MEMO1: variants seen among roughly 807,000 people sequenced by gnomAD.
MEMO1 encodes protein MEMO1.
MEMO1 carries 6 observed loss-of-function variants against 45.2 expected under a neutral mutation model. The observed-to-expected ratio is 0.13, with a 90% CI of 0.07 to 0.26. The LOEUF (loss-of-function observed/expected upper bound fraction) is 0.26. Among genes scored for constraint, MEMO1 ranks in the 10% least tolerant of loss-of-function variants. MEMO1 has a pLI of 1.00. For missense variants in MEMO1, 184 were observed against 370.5 expected (o/e 0.50, Z 4.13); for synonymous variants, 78 against 124.3 (o/e 0.63, Z 2.48).
At chr2:31,970,426 G>A (rs931307513) in intron 2 of MEMO1, among the ~76,000 whole-genome samples, 2 of 151,992 alleles carry the variant, frequency 1.3e-5, no homozygotes, top group African/African-American at 4.8e-5. Context: ...TCTCAGCCTC[G>A]TTTTTATTTT....
intron 5 of MEMO1, 151 bp downstream of exon 5, chr2:31,920,647 T>G: frequency 8.1e-6 from 3 of 368,810 alleles, no homozygotes; most frequent in Non-Finnish European, 9.6e-6. Flanking sequence ...AAGAGTTTCT[T>G]TTTTTGCTGT....
intron 6 of MEMO1, among the ~76,000 whole-genome samples, chr2:31,906,287 TG>T (rs200602509): frequency 6.7e-6 from 1 of 148,676 alleles, no homozygotes; most frequent in Non-Finnish European, 1.5e-5. Flanking sequence ...GCTATTCTTT[TG>T]TTTTTGTTTT....
Position 31,927,564 on chromosome 2 carries a change from A to AAAAT in MEMO1, c.212+4502_212+4503insATTT, listed in dbSNP as rs2148221794. On this transcript the variant is annotated intron_variant, in intron 4 of 9. Coordinates refer to ENST00000404530, the MANE Select transcript of MEMO1 (RefSeq NM_001301833.4). ...AATGCATAACCAGATATGAAAACAT[A>AAAAT]GTTGTCTTTTATTAAGCCAAACATT... Among the ~76,000 whole-genome samples the AAAAT allele has an allele frequency of 3.3e-5, 5 of 152,026 alleles. No homozygotes were observed. The South Asian group carries it at 6.2e-4, about 19-fold the overall frequency.
At chr2:31,974,464 C>T (rs895392849) in intron 2 of MEMO1, among the ~76,000 whole-genome samples, 1 of 152,080 alleles carries the variant, frequency 6.6e-6, no homozygotes, top group African/African-American at 2.4e-5. Flanking sequence ...AAAACATTTG[C>T]GGCCGGGCAC....
intron 8 of MEMO1, among the ~76,000 whole-genome samples, chr2:31,879,455 C>T (rs1221902472): frequency 1.3e-5 from 2 of 152,186 alleles, no homozygotes; most frequent in East Asian, 3.8e-4. Flanking sequence ...CATTAACATC[C>T]TTTCTTCCCA....
intron 7 of MEMO1, among the ~76,000 whole-genome samples, chr2:31,884,383 C>G (rs1275907978): frequency 6.6e-6 from 1 of 152,058 alleles, no homozygotes; most frequent in Non-Finnish European, 1.5e-5. Context: ...AAAGATTGAC[C>G]AAAATGCATT....
At chr2:31,978,549 C>T (rs1459858046) in intron 2 of MEMO1, among the ~76,000 whole-genome samples, 1 of 152,190 alleles carries the variant, frequency 6.6e-6, no homozygotes, top group Non-Finnish European at 1.5e-5. Flanking sequence ...CCTCCCACCT[C>T]GGCTTCCCGA....
At chr2:31,875,627 T>C (rs187532186) in intron 8 of MEMO1, among the ~76,000 whole-genome samples, 96 of 152,218 alleles carry the variant, frequency 6.3e-4, no homozygotes, top group Non-Finnish European at 3.5e-4. Context: ...ATCACCACAG[T>C]CCAAGTTACT....
intron 2 of MEMO1, among the ~76,000 whole-genome samples, chr2:31,984,819 A>G (rs1671077523): frequency 6.6e-6 from 1 of 152,182 alleles, no homozygotes; most frequent in Admixed American, 6.5e-5. Flanking sequence ...CCAAAAAAAA[A>G]GCAAAAAAGG....
At chr2:31,959,023 A>G (rs974603935) in intron 2 of MEMO1, among the ~76,000 whole-genome samples, 3 of 152,212 alleles carry the variant, frequency 2.0e-5, no homozygotes, top group African/African-American at 4.8e-5. Flanking sequence ...GAAAGAATCA[A>G]TGATTATTAA....
intron 8 of MEMO1, among the ~76,000 whole-genome samples, chr2:31,875,002 G>A (rs919814830): frequency 6.6e-6 from 1 of 151,810 alleles, no homozygotes; most frequent in South Asian, 2.1e-4. Context: ...TTTGACCCAT[G>A]TATTCTAACT....
intron 6 of MEMO1, among the ~76,000 whole-genome samples, chr2:31,894,889 C>T (rs1371875504): frequency 6.6e-6 from 1 of 152,166 alleles, no homozygotes; most frequent in Non-Finnish European, 1.5e-5. Flanking sequence ...CCTTCACAGC[C>T]TCCATACAAT....
intron 3 of MEMO1, among the ~76,000 whole-genome samples, chr2:31,936,409 C>CT (rs1664925116): frequency 6.6e-6 from 1 of 152,182 alleles, no homozygotes; most frequent in African/African-American, 2.4e-5. Context: ...TTTTATCAAG[C>CT]TAAAACCTTG....
In MEMO1 at chr2:31,955,267, A is replaced by G. The variant is rs112012898; in HGVS notation, c.62-11884T>C. ...AAAGGAGTTTATTTGCACATGCTAT[A>G]TTCTCAGTGAATGCAGCTAACAGAC... is the stretch of plus-strand genomic sequence containing the variant. On this transcript the variant is annotated intron_variant, in intron 2 of 9. Coordinates refer to ENST00000404530, the MANE Select transcript of MEMO1 (RefSeq NM_001301833.4). 2.1e-3 allele frequency among the ~76,000 whole-genome samples: 324 copies of G among 152,302 alleles called. 3 individuals are homozygous for G. The highest frequency in any genetic ancestry group is 7.5e-3 in the African/African-American group (310 of 41,562).
At chr2:31,921,868 GTAGTC>G (rs1051708996) in intron 4 of MEMO1, among the ~76,000 whole-genome samples, 16 of 152,216 alleles carry the variant, frequency 1.1e-4, no homozygotes, top group South Asian at 4.1e-4. Flanking sequence ...TATTTGCACT[GTAGTC>G]TAAAGAAAAG....
intron 2 of MEMO1, among the ~76,000 whole-genome samples, chr2:31,991,185 A>C (rs1191362253): frequency 6.6e-6 from 1 of 152,238 alleles, no homozygotes; most frequent in African/African-American, 2.4e-5. Context: ...GACACATAAG[A>C]AATTGATAAA....
chr2:31,945,566 T>C (rs140335886), intron 2 of MEMO1, among the ~76,000 whole-genome samples: 1 of 152,332 alleles, frequency 6.6e-6, no homozygotes, highest in East Asian at 1.9e-4. Flanking sequence ...ACCTGGTAAA[T>C]TCTTTCTCTG....
At chr2:31,960,742 T>C (rs998870691) in intron 2 of MEMO1, among the ~76,000 whole-genome samples, 9 of 151,946 alleles carry the variant, frequency 5.9e-5, no homozygotes, top group Non-Finnish European at 1.3e-4. Flanking sequence ...CCCACCACCA[T>C]ACCCGGCTAA....
At chr2:31,922,898 T>A (rs10153899) in intron 4 of MEMO1, among the ~76,000 whole-genome samples, 22,681 of 152,034 alleles carry the variant, frequency 0.15, 1,948 homozygotes, top group African/African-American at 0.22. Context: ...TGTTGATTCC[T>A]TGTCTTTACT....
Sources: allele counts gnomAD v4.1 joint callset (sites outside exome capture counted in the v4.1 genomes callset), GRCh38; gene constraint gnomAD v4.1.1; transcripts MANE v1.5; gene names NCBI Gene and HGNC (gene_info 2026-07-23, HGNC 2026-07-21).